The following SDC2 variants were observed in gnomAD, a reference collection of about 807,000 sequenced individuals.
SDC2 encodes syndecan-2.
A neutral mutation model predicts 22.2 loss-of-function variants in SDC2; 13 were observed. The observed-to-expected ratio is 0.59, with a 90% CI of 0.38 to 0.93. The LOEUF (loss-of-function observed/expected upper bound fraction) is 0.93. Among genes scored for constraint, SDC2 ranks in the 40% least tolerant of loss-of-function variants. SDC2 has a pLI of 0.00. For synonymous variants in SDC2, 94 were observed against 92.8 expected (o/e 1.01, Z -0.07); for missense variants, 235 against 246.8 (o/e 0.95, Z 0.32).
chr8:96,550,288 A>C (rs1814006526), intron 1 of SDC2, among the ~76,000 whole-genome samples: 1 of 152,196 alleles, frequency 6.6e-6, no homozygotes, highest in Non-Finnish European at 1.5e-5. Context: ...TGACACACAA[A>C]GAAATGCTCA....
intron 1 of SDC2, among the ~76,000 whole-genome samples, chr8:96,590,389 AGT>A (rs1446886955): frequency 6.6e-6 from 1 of 152,108 alleles, no homozygotes; most frequent in Non-Finnish European, 1.5e-5. Context: ...TGAGTAAGGG[AGT>A]GTGTGCAGAG....
chr8:96,553,177 G>A (rs1814053716), intron 1 of SDC2, among the ~76,000 whole-genome samples: 1 of 152,000 alleles, frequency 6.6e-6, no homozygotes, highest in Non-Finnish European at 1.5e-5. Context: ...GTGTCTGTGA[G>A]GTATAACTTT....
chr8:96,542,442 A>G (rs1195937785), intron 1 of SDC2, among the ~76,000 whole-genome samples: 3 of 152,220 alleles, frequency 2.0e-5, no homozygotes, highest in Admixed American at 6.5e-5. Context: ...GGAAGCTGAC[A>G]TGGCTAATGC....
intron 1 of SDC2, among the ~76,000 whole-genome samples, chr8:96,576,416 C>CTTTTTTTTTTTTTTTTTTTTT (rs71267268): frequency 1.4e-4 from 2 of 13,808 alleles, no homozygotes; most frequent in African/African-American, 2.2e-4. Context: ...TTATTATTCT[C>CTTTTTTTTTTTTTTTTTTTTT]TTTTTTTTTT....
At chr8:96,599,583 A>G (rs1427037226) in intron 2 of SDC2, among the ~76,000 whole-genome samples, 2 of 152,174 alleles carry the variant, frequency 1.3e-5, no homozygotes, top group Admixed American at 1.3e-4. Flanking sequence ...AATATGTATC[A>G]TGTCTGTTAG....
At chr8:96,606,630 AG>A (rs1317190166) in intron 3 of SDC2, among the ~76,000 whole-genome samples, 1 of 152,204 alleles carries the variant, frequency 6.6e-6, no homozygotes, top group Non-Finnish European at 1.5e-5. Context: ...ACCTGAAGTC[AG>A]ACCAATTGAA....
At chr8:96,584,032 T>G (rs899232264) in intron 1 of SDC2, among the ~76,000 whole-genome samples, 1 of 152,216 alleles carries the variant, frequency 6.6e-6, no homozygotes, top group African/African-American at 2.4e-5. Flanking sequence ...TTTCATAGCT[T>G]CTTAAAACAC....
chr8:96,504,885 TA>T (rs1376457011), intron 1 of SDC2, among the ~76,000 whole-genome samples: 2 of 151,776 alleles, frequency 1.3e-5, no homozygotes, highest in Non-Finnish European at 2.9e-5. Flanking sequence ...CGAAGGGAGA[TA>T]GGGGTGGGGC....
chr8:96,494,725 C>T (rs1423654679), intron 1 of SDC2, among the ~76,000 whole-genome samples: 1 of 151,916 alleles, frequency 6.6e-6, no homozygotes, highest in Non-Finnish European at 1.5e-5. Flanking sequence ...CCGCGCGCTC[C>T]TCGAGACCAG....
chr8:96,599,874 C>T lies in SDC2; in HGVS notation c.173-2521C>T, dbSNP rs540252385. 1.2e-4 allele frequency among the ~76,000 whole-genome samples: 19 copies of T among 152,314 alleles called. 2 individuals carry two copies. The Middle Eastern group carries it at 0.02, about 164-fold the overall frequency. ...ACCGGCCAGGAGCCGGGCACAGTGC[C>T]TCATACCTATAATCTCAACACTTTG... On this transcript the variant is annotated intron_variant, in intron 2 of 4. Transcript: ENST00000302190.
At chr8:96,605,571 A>G (rs929516174) in intron 3 of SDC2, among the ~76,000 whole-genome samples, 2 of 152,246 alleles carry the variant, frequency 1.3e-5, no homozygotes, top group African/African-American at 4.8e-5. Flanking sequence ...CTCTCATAGT[A>G]ATAGAAAGGA....
intron 1 of SDC2, among the ~76,000 whole-genome samples, chr8:96,565,419 T>C (rs539774391): frequency 6.6e-6 from 1 of 152,230 alleles, no homozygotes; most frequent in South Asian, 2.1e-4. Flanking sequence ...TCAGAAGATA[T>C]CTCAGAGTCT....
chr8:96,508,296 AAATAAT>A (rs35792253), intron 1 of SDC2, among the ~76,000 whole-genome samples: 11,030 of 130,726 alleles, frequency 0.084, 557 homozygotes, highest in East Asian at 0.11. Context: ...ACTCCGTCTC[AAATAAT>A]AATAATAATA....
At chr8:96,608,781 G>A (rs1330870604) in intron 4 of SDC2, among the ~76,000 whole-genome samples, 1 of 152,174 alleles carries the variant, frequency 6.6e-6, no homozygotes. Context: ...AGATCCATCA[G>A]TCTTGCTCAC....
intron 1 of SDC2, among the ~76,000 whole-genome samples, chr8:96,503,427 C>T (rs972640513): frequency 1.3e-5 from 2 of 152,002 alleles, no homozygotes; most frequent in Admixed American, 6.5e-5. Flanking sequence ...TAGATATAAA[C>T]CTATGTATAG....
intron 1 of SDC2, among the ~76,000 whole-genome samples, chr8:96,540,321 G>C (rs1464198859): frequency 2.7e-5 from 2 of 74,552 alleles, no homozygotes; most frequent in East Asian, 6.3e-4. Flanking sequence ...GCAAAACCCT[G>C]TCTCTACTAT....
At chr8:96,504,880 G>A (rs1813215394) in intron 1 of SDC2, among the ~76,000 whole-genome samples, 1 of 152,074 alleles carries the variant, frequency 6.6e-6, no homozygotes, top group African/African-American at 2.4e-5. Context: ...GTCAGCGAAG[G>A]GAGATAGGGG....
rs116991439 is a variant in SDC2, at chr8:96,532,678, T to C, written c.60+38347T>C. On this transcript the variant is annotated intron_variant, in intron 1 of 4. Coordinates refer to ENST00000302190, the MANE Select transcript of SDC2 (RefSeq NM_002998.4). Reference sequence around the variant, plus strand: ...CCCCCATCCCCCCAAAAAAACACACTGTGAGGGAAAGAGCAAGAGCTGTGA... The same window carrying C: ...CCCCCATCCCCCCAAAAAAACACACCGTGAGGGAAAGAGCAAGAGCTGTGA... Among the ~76,000 whole-genome samples, 831 of 152,110 alleles carry C rather than the reference T, an allele frequency of 5.5e-3. 14 individuals are homozygous for C. In the East Asian group the frequency reaches 0.066, roughly 12 times the overall value.
intron 1 of SDC2, among the ~76,000 whole-genome samples, chr8:96,562,018 A>G (rs1417343087): frequency 1.3e-5 from 2 of 152,096 alleles, no homozygotes; most frequent in African/African-American, 4.8e-5. Flanking sequence ...CTTATCAATT[A>G]TTTCTCCTGT....
Sources: gnomAD v4.1 joint callset for allele counts (sites outside exome capture counted in the v4.1 genomes callset) on GRCh38, gnomAD v4.1.1 for gene constraint, MANE v1.5 for transcripts, NCBI Gene and HGNC (gene_info 2026-07-23, HGNC 2026-07-21) for gene names.